The following RASSF4 variants were observed in gnomAD, a reference collection of about 807,000 sequenced individuals.
RASSF4 encodes ras association domain-containing protein 4.
RASSF4 carries 38 observed loss-of-function variants against 41.1 expected under a neutral mutation model. The observed-to-expected ratio is 0.92, with a 90% CI of 0.71 to 1.21. The LOEUF (loss-of-function observed/expected upper bound fraction) is 1.21, where lower values mean the gene tolerates loss of function less well. Among genes scored for constraint, RASSF4 ranks in the 50% most tolerant of loss-of-function variants. The pLI is 0.00. For missense variants in RASSF4, 414 were observed against 419.4 expected, an observed-to-expected ratio of 0.99 and a Z score of 0.11; for synonymous variants, 179 against 163.4, an observed-to-expected ratio of 1.10 and a Z score of -0.73.
chr10:44,992,385 CTGA>C (rs1385208501), intron 10 of RASSF4, among the ~76,000 whole-genome samples: 3 of 152,232 alleles, frequency 2.0e-5, no homozygotes, highest in Non-Finnish European at 4.4e-5. Context: ...CAGACTTGGC[CTGA>C]TTAGGGCCTT....
Position 44,960,616 on chromosome 10 carries a change from C to T in RASSF4, c.-39+750C>T, listed in dbSNP as rs553275476. 1.1e-4 allele frequency among the ~76,000 whole-genome samples: 16 copies of T among 152,336 alleles called. No individual in the cohort carries two copies. In the South Asian group the frequency reaches 2.7e-3, roughly 26 times the overall value. On this transcript the variant is annotated intron_variant, in intron 1 of 10. Coordinates refer to ENST00000340258, the MANE Select transcript of RASSF4 (RefSeq NM_032023.4). Reference sequence around the variant, plus strand: ...CCTCAGTGTTTTCATTAACCTGGCACGGCGGAGGGAGGGAGGCCTCCTCTC... The same window carrying T: ...CCTCAGTGTTTTCATTAACCTGGCATGGCGGAGGGAGGGAGGCCTCCTCTC...
intron 3 of RASSF4, among the ~76,000 whole-genome samples, chr10:44,974,610 C>T (rs1406431286): frequency 9.2e-6 from 1 of 108,352 alleles, no homozygotes; most frequent in East Asian, 3.0e-4. Context: ...CTCCCAGAGC[C>T]GCCTGAAAGA....
At chr10:44,984,590 G>A in intron 5 of RASSF4, 2 of 599,692 alleles carry the variant, frequency 3.3e-6, no homozygotes. Flanking sequence ...GACCAAGAGG[G>A]GTATGGCCAT....
At chr10:44,982,843 C>T in intron 4 of RASSF4, 180 bp downstream of exon 4, 1 of 726,978 alleles carries the variant, frequency 1.4e-6, no homozygotes, top group Non-Finnish European at 2.5e-6. Context: ...GTGGCCTCTC[C>T]CTCCTTCCTG....
chr10:44,971,808 G>C lies in RASSF4; in HGVS notation c.98G>C (p.Cys33Ser). 6.2e-7 allele frequency: 1 copy of C among 1,613,736 alleles called. No individual in the cohort carries two copies. The highest frequency in any genetic ancestry group is 8.5e-7 in the Non-Finnish European group (1 of 1,179,712). ...ELLGLLKTYN[C>S]YHEGKSFQLR... ...TTAGGCCTGCTGAAAACCTACAACT[G>C]CTACCATGAGGGCAAGAGCTTCCAG... The change falls in exon 3 of 11, where the codon TGC becomes TCC. Residue 33 changes from cysteine (C) to serine (S), a missense_variant. By Grantham distance (112) the Cys-to-Ser change is moderately radical. Transcript: ENST00000340258.
intron 5 of RASSF4, 77 bp downstream of exon 5, chr10:44,984,190 A>G (rs1841830510): frequency 7.4e-7 from 1 of 1,358,390 alleles, no homozygotes; most frequent in South Asian, 1.4e-5. Flanking sequence ...CACAACCACA[A>G]TCTCCGAAGG....
At chr10:44,965,854 C>G (rs546659901) in intron 1 of RASSF4, among the ~76,000 whole-genome samples, 2 of 152,348 alleles carry the variant, frequency 1.3e-5, no homozygotes, top group African/African-American at 2.4e-5. Context: ...TCTGTCTCCT[C>G]TGAGCAGGTG....
Position 44,971,867 on chromosome 10 carries a change from T to C in RASSF4, c.138+19T>C, listed in dbSNP as rs1841184804. 1.3e-6 allele frequency: 2 copies of C among 1,589,058 alleles called. No homozygotes were observed. The highest frequency in any genetic ancestry group is 1.3e-5 in the African/African-American group (1 of 74,272). ...CCGTGAGGTGAGCCTGTTGCTCTTG[T>C]TCATGGGGTCACCATGTACCCTGGG... On this transcript the variant is annotated intron_variant, in intron 3 of 10. Transcript: ENST00000340258.
intron 3 of RASSF4, chr10:44,978,037 G>T (rs1841528843): frequency 1.3e-6 from 2 of 1,596,468 alleles, no homozygotes; most frequent in African/African-American, 2.7e-5. Context: ...TCATCACTCT[G>T]GCGAGAGGAG....
intron 3 of RASSF4, chr10:44,977,337 CG>C (rs1841478527): frequency 6.6e-7 from 1 of 1,511,306 alleles, no homozygotes. Context: ...ATGGAGGAGA[CG>C]AGAGGAGATG....
chr10:44,968,984 T>C (rs1841020143), intron 1 of RASSF4, among the ~76,000 whole-genome samples: 1 of 150,708 alleles, frequency 6.6e-6, no homozygotes, highest in Non-Finnish European at 1.5e-5. Flanking sequence ...GTCTGTGAGA[T>C]TGTGAGTGTT....
intron 3 of RASSF4, chr10:44,977,629 AC>A (rs771154895): frequency 6.2e-7 from 1 of 1,612,410 alleles, no homozygotes; most frequent in East Asian, 2.2e-5. Flanking sequence ...GTCTATGTGG[AC>A]CCCAGAGGCC....
chr10:44,961,061 G>A (rs577476570), intron 1 of RASSF4, among the ~76,000 whole-genome samples: 1 of 152,318 alleles, frequency 6.6e-6, no homozygotes, highest in East Asian at 1.9e-4. Flanking sequence ...GAGGGAAGAG[G>A]AGAGATGAAA....
intron 10 of RASSF4, among the ~76,000 whole-genome samples, chr10:44,992,373 G>T (rs1842147832): frequency 6.6e-6 from 1 of 152,264 alleles, no homozygotes; most frequent in African/African-American, 2.4e-5. Context: ...GGCATGCTGA[G>T]GCAGACTTGG....
At chr10:44,963,337 C>T (rs760025508) in intron 1 of RASSF4, among the ~76,000 whole-genome samples, 3 of 152,154 alleles carry the variant, frequency 2.0e-5, no homozygotes, top group Non-Finnish European at 4.4e-5. Context: ...AGCCGGCTCT[C>T]ACCACAAAAA....
intron 1 of RASSF4, among the ~76,000 whole-genome samples, chr10:44,964,124 C>T (rs566330059): frequency 1.1e-3 from 172 of 152,396 alleles, no homozygotes; most frequent in African/African-American, 3.7e-3. Context: ...AAGCCCTCGG[C>T]GGCCTTTGTC....
At chr10:44,960,019 G>T (rs1000592491) in intron 1 of RASSF4, among the ~76,000 whole-genome samples, 153 bp downstream of exon 1, 1 of 152,242 alleles carries the variant, frequency 6.6e-6, no homozygotes, top group African/African-American at 2.4e-5. Flanking sequence ...GGCGCATTGC[G>T]GGCCTCGGGC....
chr10:44,977,950 A>G (rs1484075208), intron 3 of RASSF4: 11 of 1,611,872 alleles, frequency 6.8e-6, no homozygotes, highest in Non-Finnish European at 9.3e-6. Flanking sequence ...GCTCCTGTCC[A>G]GGACCCCCAA....
At chr10:44,966,773 T>C (rs553177660) in intron 1 of RASSF4, among the ~76,000 whole-genome samples, 16 of 152,254 alleles carry the variant, frequency 1.1e-4, no homozygotes, top group African/African-American at 3.6e-4. Context: ...CAGCACCACG[T>C]TGGTTTCAGT....
Sources: gnomAD v4.1 joint callset for allele counts (sites outside exome capture counted in the v4.1 genomes callset) on GRCh38, gnomAD v4.1.1 for gene constraint, MANE v1.5 for transcripts, NCBI Gene and HGNC (gene_info 2026-07-23, HGNC 2026-07-21) for gene names.